PDE4B: variants seen among roughly 807,000 people sequenced by gnomAD.
PDE4B encodes phosphodiesterase 4B.
A neutral mutation model predicts 82.2 loss-of-function variants in PDE4B; 20 were observed. That is an observed-to-expected ratio of 0.24 (90% CI 0.17 to 0.35). The LOEUF (loss-of-function observed/expected upper bound fraction) is 0.35, where lower values mean the gene tolerates loss of function less well. Among genes scored for constraint, PDE4B ranks in the 10% least tolerant of loss-of-function variants. The probability of loss-of-function intolerance (pLI) is 1.00; values close to 1 mark genes in which losing one functional copy is unlikely to be tolerated. For missense variants in PDE4B, 655 were observed against 907.2 expected, an observed-to-expected ratio of 0.72 and a Z score of 3.57; for synonymous variants, 320 against 318.9, an observed-to-expected ratio of 1.00 and a Z score of -0.04.
At chr1:66,099,258 G>C (rs1645174976) in intron 3 of PDE4B, among the ~76,000 whole-genome samples, 1 of 152,044 alleles carries the variant, frequency 6.6e-6, no homozygotes, top group Non-Finnish European at 1.5e-5. Context: ...TGAGGATAAT[G>C]GCTTCCAGCT....
intron 3 of PDE4B, among the ~76,000 whole-genome samples, chr1:65,960,747 G>A (rs1649503887): frequency 6.6e-6 from 1 of 152,134 alleles, no homozygotes; most frequent in Non-Finnish European, 1.5e-5. Context: ...GCAATTTTGA[G>A]CAGTGTCTTC....
chr1:65,901,532 C>CT (rs1238888470), intron 1 of PDE4B, among the ~76,000 whole-genome samples: 2 of 151,854 alleles, frequency 1.3e-5, no homozygotes, highest in African/African-American at 2.4e-5. Flanking sequence ...TGGCCCAGGG[C>CT]TTTTTTTGAT....
At chr1:65,818,977 C>T (rs1460996983) in intron 1 of PDE4B, among the ~76,000 whole-genome samples, 3 of 152,236 alleles carry the variant, frequency 2.0e-5, no homozygotes, top group Non-Finnish European at 4.4e-5. Context: ...GTTTCTCACT[C>T]ATACTGCATG....
At chr1:65,849,798 A>G (rs1002891653) in intron 1 of PDE4B, among the ~76,000 whole-genome samples, 1 of 152,130 alleles carries the variant, frequency 6.6e-6, no homozygotes, top group African/African-American at 2.4e-5. Context: ...CCTTTTCTCT[A>G]TTGTCTTTTT....
intron 7 of PDE4B, among the ~76,000 whole-genome samples, chr1:66,297,233 A>G (rs770036110): frequency 6.6e-6 from 1 of 152,142 alleles, no homozygotes; most frequent in Non-Finnish European, 1.5e-5. Flanking sequence ...GTCCATAAGG[A>G]TAGAAAATCC....
At chr1:66,106,668 A>C (rs1210475771) in intron 3 of PDE4B, among the ~76,000 whole-genome samples, 1 of 152,040 alleles carries the variant, frequency 6.6e-6, no homozygotes, top group Non-Finnish European at 1.5e-5. Context: ...TGGTCTTGGG[A>C]GGGCGTATGT....
At chr1:66,022,171 TTTGCTGAAG>T (rs1295026666) in intron 3 of PDE4B, among the ~76,000 whole-genome samples, 1 of 152,246 alleles carries the variant, frequency 6.6e-6, no homozygotes, top group East Asian at 1.9e-4. Flanking sequence ...ATCATGAGAC[TTTGCTGAAG>T]TTGCTTATCA....
intron 3 of PDE4B, among the ~76,000 whole-genome samples, chr1:66,179,624 A>C (rs1647017968): frequency 1.3e-5 from 2 of 152,246 alleles, no homozygotes; most frequent in Admixed American, 6.5e-5. Flanking sequence ...TAGTTGCTGA[A>C]TGATGAATAG....
intron 3 of PDE4B, among the ~76,000 whole-genome samples, chr1:66,224,087 T>G (rs1006235789): frequency 6.6e-6 from 1 of 152,170 alleles, no homozygotes; most frequent in African/African-American, 2.4e-5. Flanking sequence ...CTCAACTGTC[T>G]CCAAAATCTT....
intron 3 of PDE4B, among the ~76,000 whole-genome samples, chr1:66,031,012 A>C (rs572408408): frequency 1.3e-5 from 2 of 152,200 alleles, no homozygotes; most frequent in Admixed American, 6.5e-5. Flanking sequence ...GTTGGATATT[A>C]TGCTTTCTGC....
rs947175243 is a variant in PDE4B at position 65,965,895 on chromosome 1, T to C, written c.281+47060T>C. 2.0e-5 allele frequency among the ~76,000 whole-genome samples: 3 copies of C among 152,080 alleles called. No homozygotes were observed. In the South Asian group the frequency reaches 6.2e-4, roughly 32 times the overall value. On this transcript the variant is annotated intron_variant, in intron 3 of 16. Coordinates refer to ENST00000341517, the MANE Select transcript of PDE4B (RefSeq NM_002600.4). The stretch of plus-strand genomic sequence containing the variant: ...GTAAACTACGTATTGATGGAACATA[T>C]CTCAAAATAATGAAAGCTATTTATG...
intron 7 of PDE4B, among the ~76,000 whole-genome samples, chr1:66,329,985 C>G (rs540104446): frequency 1.2e-4 from 19 of 152,158 alleles, no homozygotes; most frequent in Non-Finnish European, 2.2e-4. Flanking sequence ...TCAGGGAGGC[C>G]AGTCCTGCGC....
At chr1:66,308,556 T>A (rs1473278905) in intron 7 of PDE4B, among the ~76,000 whole-genome samples, 1 of 152,180 alleles carries the variant, frequency 6.6e-6, no homozygotes, top group African/African-American at 2.4e-5. Flanking sequence ...ATATCAAAGA[T>A]TAGTGTTTGT....
At chr1:66,293,409 C>T (rs1212291457) in intron 7 of PDE4B, among the ~76,000 whole-genome samples, 4 of 152,062 alleles carry the variant, frequency 2.6e-5, no homozygotes, top group African/African-American at 9.7e-5. Flanking sequence ...TTGGCTCATT[C>T]CTTTCCTTTA....
At chr1:66,169,428 T>C (rs1646797007) in intron 3 of PDE4B, among the ~76,000 whole-genome samples, 2 of 152,228 alleles carry the variant, frequency 1.3e-5, no homozygotes, top group African/African-American at 4.8e-5. Context: ...TATTTCTTTG[T>C]GTAACATAGA....
chr1:65,994,304 C>A (rs1651412624), intron 3 of PDE4B, among the ~76,000 whole-genome samples: 1 of 152,150 alleles, frequency 6.6e-6, no homozygotes, highest in South Asian at 2.1e-4. Flanking sequence ...TTGATAGATA[C>A]CACATGCTTA....
At chr1:65,991,715 T>G (rs1651254397) in intron 3 of PDE4B, among the ~76,000 whole-genome samples, 1 of 152,222 alleles carries the variant, frequency 6.6e-6, no homozygotes, top group Non-Finnish European at 1.5e-5. Flanking sequence ...CTTGAGGCAT[T>G]TTTTGGACTC....
chr1:65,838,482 T>G (rs989110425), intron 1 of PDE4B, among the ~76,000 whole-genome samples: 1 of 148,580 alleles, frequency 6.7e-6, no homozygotes, highest in Non-Finnish European at 1.5e-5. Flanking sequence ...ACTATATATA[T>G]ACGTATATGT....
chr1:65,993,187 G>T (rs748062717), intron 3 of PDE4B: 6 of 1,394,674 alleles, frequency 4.3e-6, no homozygotes, highest in East Asian at 2.3e-5. Context: ...TCAGATTCTC[G>T]CATTAGCACC....
Sources: gnomAD v4.1 joint callset for allele counts (sites outside exome capture counted in the v4.1 genomes callset) on GRCh38, gnomAD v4.1.1 for gene constraint, MANE v1.5 for transcripts, NCBI Gene and HGNC (gene_info 2026-07-23, HGNC 2026-07-21) for gene names.